WDR37: variants seen among roughly 807,000 people sequenced by gnomAD.
WDR37 encodes WD repeat-containing protein 37.
A neutral mutation model predicts 62.9 loss-of-function variants in WDR37; 19 were observed. The observed-to-expected ratio is 0.30, with a 90% CI of 0.21 to 0.44. WDR37 has a LOEUF of 0.44. Among genes scored for constraint, WDR37 ranks in the 20% least tolerant of loss-of-function variants. The pLI is 1.00. For missense variants in WDR37, 474 were observed against 657.6 expected (o/e 0.72, Z 3.05); for synonymous variants, 250 against 260.9 (o/e 0.96, Z 0.40).
intron 1 of WDR37, among the ~76,000 whole-genome samples, chr10:1,070,489 T>C (rs1428031076): frequency 6.6e-6 from 1 of 152,162 alleles, no homozygotes; most frequent in African/African-American, 2.4e-5. Context: ...AGAAGAGATA[T>C]TTAGAAAAAT....
chr10:1,107,630 C>T (rs564677074), intron 11 of WDR37, among the ~76,000 whole-genome samples: 2 of 151,488 alleles, frequency 1.3e-5, no homozygotes, highest in Admixed American at 1.3e-4. Context: ...ACCGCTGTCT[C>T]TTTACACATG....
chr10:1,066,101 T>G (rs1386840246), intron 1 of WDR37, among the ~76,000 whole-genome samples: 1 of 151,850 alleles, frequency 6.6e-6, no homozygotes, highest in East Asian at 1.9e-4. Context: ...TAGTCTAAAA[T>G]GGAGAAAAGA....
At chr10:1,084,681 C>A in intron 6 of WDR37, 143 bp downstream of exon 6, 1 of 1,243,920 alleles carries the variant, frequency 8.0e-7, no homozygotes, top group Non-Finnish European at 1.1e-6. Flanking sequence ...CACACATTAA[C>A]CCTTGGTGAT....
intron 1 of WDR37, among the ~76,000 whole-genome samples, chr10:1,066,716 T>C (rs1833565507): frequency 6.6e-6 from 1 of 152,240 alleles, no homozygotes. Context: ...TAGAAACTGC[T>C]TGTATTAGTC....
At chr10:1,099,986 G>T in intron 9 of WDR37, among the ~76,000 whole-genome samples, 1 of 152,004 alleles carries the variant, frequency 6.6e-6, no homozygotes, top group East Asian at 1.9e-4. Context: ...AGGTGAGGAG[G>T]GTGAGCATTG....
Position 1,131,708 on chromosome 10 carries a change from G to GTGTT in WDR37, c.*2367_*2368insTTGT, listed in dbSNP as rs1835951842. 1 of 152,142 alleles carries GTGTT rather than the reference G, an allele frequency of 6.6e-6. No individual in the cohort carries two copies. Among genetic ancestry groups the GTGTT allele is most frequent in the South Asian group, 2.1e-4 (1 of 4,834 alleles). The allele number at this position is 152,142 out of a possible 1,614,324, so 9.4% of individuals were successfully genotyped here. On this transcript the variant is annotated 3_prime_UTR_variant, in exon 14 of 14. Transcript: ENST00000263150. ...GGTGTGTGTGTGTGTGTGTGTGTGTGTGTGCACGTGTGTGTGGCTAAATTA... is the reference window on the plus strand; with the variant it reads ...GGTGTGTGTGTGTGTGTGTGTGTGTGTGTTTGTGCACGTGTGTGTGGCTAAATTA...
chr10:1,092,389 C>T (rs1045645668), intron 7 of WDR37, among the ~76,000 whole-genome samples: 28 of 150,126 alleles, frequency 1.9e-4, no homozygotes, highest in African/African-American at 5.4e-4. Flanking sequence ...TTTTTTGAGA[C>T]GGAATCTCGC....
chr10:1,081,026 T>C (rs186585401), intron 5 of WDR37, among the ~76,000 whole-genome samples: 157 of 152,308 alleles, frequency 1.0e-3, no homozygotes, highest in Non-Finnish European at 1.8e-3. Context: ...ATATATAATT[T>C]CTCTTGTTAA....
intron 1 of WDR37, 40 bp downstream of exon 1, chr10:1,057,008 G>C (rs1438597033): frequency 1.3e-5 from 2 of 152,498 alleles, no homozygotes; most frequent in Non-Finnish European, 2.9e-5. Flanking sequence ...GCGCCGAGTC[G>C]TTCCCCGGAT....
intron 9 of WDR37, among the ~76,000 whole-genome samples, chr10:1,100,034 T>C (rs926669437): frequency 1.3e-4 from 20 of 152,348 alleles, no homozygotes; most frequent in Middle Eastern, 6.8e-3. Context: ...GTATGGATTG[T>C]TTTCCAAATA....
chr10:1,106,339 C>T (rs1835020484), intron 11 of WDR37, among the ~76,000 whole-genome samples: 1 of 152,322 alleles, frequency 6.6e-6, no homozygotes, highest in East Asian at 1.9e-4. Context: ...GCTCCCCCTA[C>T]CTCCCACCAG....
intron 3 of WDR37, among the ~76,000 whole-genome samples, chr10:1,079,640 T>A (rs1227694657): frequency 1.3e-5 from 2 of 151,928 alleles, no homozygotes; most frequent in Non-Finnish European, 2.9e-5. Flanking sequence ...GTTCAAGCAA[T>A]TCTCCTGCCT....
intron 1 of WDR37, among the ~76,000 whole-genome samples, chr10:1,061,620 A>T (rs980044734): frequency 3.9e-5 from 6 of 152,162 alleles, no homozygotes; most frequent in Non-Finnish European, 7.3e-5. Context: ...TGGGCAGACC[A>T]CTTGAGGCCA....
chr10:1,066,305 A>G (rs1298458485), intron 1 of WDR37, among the ~76,000 whole-genome samples: 1 of 152,130 alleles, frequency 6.6e-6, no homozygotes, highest in Non-Finnish European at 1.5e-5. Flanking sequence ...TTTAGTAGAG[A>G]CGGGGTTTCA....
At chr10:1,126,279 G>A (rs575612419) in intron 13 of WDR37, among the ~76,000 whole-genome samples, 2,281 of 151,902 alleles carry the variant, frequency 0.015, 28 homozygotes, top group South Asian at 0.049. Flanking sequence ...GGTGGCGGGC[G>A]TCTGTAGTCC....
At chr10:1,085,956 T>C (rs1445927152) in intron 6 of WDR37, among the ~76,000 whole-genome samples, 1 of 152,248 alleles carries the variant, frequency 6.6e-6, no homozygotes, top group African/African-American at 2.4e-5. Flanking sequence ...TGGAACATTT[T>C]AATACTTTAA....
At chr10:1,098,237 T>G (rs1834661588) in intron 9 of WDR37, among the ~76,000 whole-genome samples, 1 of 151,792 alleles carries the variant, frequency 6.6e-6, no homozygotes, top group African/African-American at 2.4e-5. Context: ...AGGATGAGTG[T>G]GTCCTTGTCA....
intron 8 of WDR37, 140 bp downstream of exon 8, chr10:1,093,636 G>A: frequency 1.4e-6 from 1 of 738,448 alleles, no homozygotes; most frequent in Middle Eastern, 3.5e-4. Flanking sequence ...AATTAAATGA[G>A]AAATGGATAA....
intron 2 of WDR37, among the ~76,000 whole-genome samples, chr10:1,075,534 A>G (rs1013811251): frequency 4.6e-5 from 7 of 151,240 alleles, no homozygotes; most frequent in African/African-American, 1.7e-4. Context: ...ATTCAAGTAT[A>G]TATGACATGA....
Sources: allele counts gnomAD v4.1 joint callset (sites outside exome capture counted in the v4.1 genomes callset), GRCh38; gene constraint gnomAD v4.1.1; transcripts MANE v1.5; gene names NCBI Gene and HGNC (gene_info 2026-07-23, HGNC 2026-07-21).